Variants in GHR observed in about 807,000 individuals in gnomAD.
The protein encoded by GHR is GH receptor.
GHR carries 35 observed loss-of-function variants against 67.1 expected under a neutral mutation model. The ratio of observed to expected loss-of-function variants is 0.52; its 90% CI spans 0.40 to 0.69. The LOEUF is 0.69. Ranked by LOEUF, GHR falls within the 30% of genes least tolerant of loss-of-function variation. GHR has a pLI of 0.00. For missense variants in GHR, 792 were observed against 764.6 expected, an observed-to-expected ratio of 1.04 and a Z score of -0.42; for synonymous variants, 272 against 269.1, an observed-to-expected ratio of 1.01 and a Z score of -0.10.
Position 42,481,143 on chromosome 5 carries a change from A to G in GHR, c.-12+57188A>G, listed in dbSNP as rs1579788524. On this transcript the variant is annotated intron_variant, in intron 1 of 9. Coordinates refer to ENST00000230882, the MANE Select transcript of GHR (RefSeq NM_000163.5). ...AAAGTATTTTATTTCTCCTTCACTT[A>G]TGAAGCTTAGTTTGGCTGGATATGA... is the stretch of plus-strand genomic sequence containing the variant. Among the ~76,000 whole-genome samples, 7 of 152,048 alleles carry G rather than the reference A, an allele frequency of 4.6e-5. 1 individual carries two copies. In the South Asian group the frequency reaches 1.5e-3, roughly 32 times the overall value.
intron 3 of GHR, among the ~76,000 whole-genome samples, chr5:42,641,970 A>G (rs1164789824): frequency 1.3e-5 from 2 of 152,154 alleles, no homozygotes; most frequent in Non-Finnish European, 2.9e-5. Flanking sequence ...GGAAAAACCA[A>G]AAGACTGAGA....
chr5:42,556,650 G>T (rs1165132227), intron 1 of GHR, among the ~76,000 whole-genome samples: 1 of 152,160 alleles, frequency 6.6e-6, no homozygotes, highest in Non-Finnish European at 1.5e-5. Context: ...CAAATAAGCG[G>T]CCATGCAATT....
At chr5:42,588,526 C>CAAAAAAAAGAAAAAAAAA (rs1751605886) in intron 2 of GHR, among the ~76,000 whole-genome samples, 1 of 45,142 alleles carries the variant, frequency 2.2e-5, no homozygotes, top group Non-Finnish European at 4.1e-5. Context: ...AACTCCATCT[C>CAAAAAAAAGAAAAAAAAA]AAAAAAAAAA....
chr5:42,468,233 C>G, intron 1 of GHR: 2 of 1,532,922 alleles, frequency 1.3e-6, no homozygotes, highest in Admixed American at 1.7e-5. Flanking sequence ...GATGCCTGAT[C>G]TGGGAAGTTT....
At chr5:42,700,310 G>T (rs541465981) in intron 6 of GHR, among the ~76,000 whole-genome samples, 7 of 152,090 alleles carry the variant, frequency 4.6e-5, no homozygotes, top group Admixed American at 6.6e-5. Flanking sequence ...TTGGGGATGT[G>T]GATAAAAATG....
At chr5:42,539,183 T>C (rs900867199) in intron 1 of GHR, among the ~76,000 whole-genome samples, 2 of 152,166 alleles carry the variant, frequency 1.3e-5, no homozygotes, top group African/African-American at 4.8e-5. Flanking sequence ...CTTTCTCAGG[T>C]AAATCAGAGA....
intron 1 of GHR, among the ~76,000 whole-genome samples, chr5:42,551,478 G>A (rs1749030042): frequency 6.6e-6 from 1 of 152,144 alleles, no homozygotes; most frequent in African/African-American, 2.4e-5. Context: ...TGAAAGTCTG[G>A]AGAAAAGAGA....
chr5:42,555,964 G>T (rs1157514712), intron 1 of GHR, among the ~76,000 whole-genome samples: 1 of 152,172 alleles, frequency 6.6e-6, no homozygotes, highest in East Asian at 1.9e-4. Context: ...GACTACCTGA[G>T]TCACCAGCTC....
chr5:42,502,950 A>T (rs1274094520), intron 1 of GHR, among the ~76,000 whole-genome samples: 1 of 152,028 alleles, frequency 6.6e-6, no homozygotes, highest in South Asian at 2.1e-4. Flanking sequence ...TATCAGGTTC[A>T]GTGTTTAACT....
chr5:42,463,115 C>T (rs1346043776), intron 1 of GHR, among the ~76,000 whole-genome samples: 1 of 152,094 alleles, frequency 6.6e-6, no homozygotes, highest in Admixed American at 6.5e-5. Context: ...ACTGTCATCT[C>T]TCTAAGCATC....
At position 42,587,806 on chromosome 5, in the gene GHR, C is replaced by T. The variant is rs4075783; in HGVS notation, c.70+21862C>T. Among the ~76,000 whole-genome samples, 1,854 of 152,188 alleles carry T rather than the reference C, an allele frequency of 0.012. 84 individuals carry two copies. In the East Asian group the frequency reaches 0.14, roughly 12 times the overall value. ...GAGAAATGGGACCATATGCCCTCCC[C>T]GGAGCTGAACCGTGTTCCCTGTCCA... On this transcript the variant is annotated intron_variant, in intron 2 of 9. Coordinates refer to ENST00000230882, the MANE Select transcript of GHR (RefSeq NM_000163.5).
intron 1 of GHR, among the ~76,000 whole-genome samples, chr5:42,497,310 G>A (rs539273194): frequency 1.2e-4 from 19 of 152,218 alleles, no homozygotes; most frequent in South Asian, 6.2e-4. Flanking sequence ...AGTCTTAAGC[G>A]CTACATGATA....
intron 1 of GHR, chr5:42,468,237 G>C (rs1475491784): frequency 5.2e-6 from 8 of 1,539,534 alleles, no homozygotes; most frequent in Admixed American, 3.4e-5. Context: ...CCTGATCTGG[G>C]AAGTTTTCTT....
intron 1 of GHR, among the ~76,000 whole-genome samples, chr5:42,434,611 T>C (rs538457596): frequency 6.6e-6 from 1 of 152,312 alleles, no homozygotes; most frequent in South Asian, 2.1e-4. Flanking sequence ...AGAGCTCTTG[T>C]TGCAGCACCA....
chr5:42,595,059 T>C (rs1221424353), intron 2 of GHR, among the ~76,000 whole-genome samples: 1 of 152,160 alleles, frequency 6.6e-6, no homozygotes, highest in African/African-American at 2.4e-5. Context: ...TACTAATAGA[T>C]GATGCTAAAT....
At chr5:42,706,902 G>A (rs1758202911) in intron 6 of GHR, among the ~76,000 whole-genome samples, 1 of 151,920 alleles carries the variant, frequency 6.6e-6, no homozygotes, top group South Asian at 2.1e-4. Context: ...TTTTACAATT[G>A]TTTTTTCTAA....
chr5:42,474,868 TCTTTTTTTTTTTTTGCC>T (rs1745227377), intron 1 of GHR, among the ~76,000 whole-genome samples: 1 of 150,140 alleles, frequency 6.7e-6, no homozygotes, highest in Non-Finnish European at 1.5e-5. Context: ...AACATTTTTT[TCTTTTTTTTTTTTTGCC>T]CTTTTTTTTT....
At chr5:42,645,315 T>C (rs570853126) in intron 3 of GHR, among the ~76,000 whole-genome samples, 2 of 152,360 alleles carry the variant, frequency 1.3e-5, no homozygotes, top group South Asian at 2.1e-4. Flanking sequence ...TGATGTGAGC[T>C]ATCAAATATT....
At chr5:42,699,582 A>G (rs976459793) in intron 5 of GHR, among the ~76,000 whole-genome samples, 2 of 152,190 alleles carry the variant, frequency 1.3e-5, no homozygotes, top group Admixed American at 6.5e-5. Context: ...TAGTGATCAG[A>G]TGTTTTACTC....
Sources: gnomAD v4.1 joint callset for allele counts (sites outside exome capture counted in the v4.1 genomes callset) on GRCh38, gnomAD v4.1.1 for gene constraint, MANE v1.5 for transcripts, NCBI Gene and HGNC (gene_info 2026-07-23, HGNC 2026-07-21) for gene names.